The following SCRN3 variants were observed in gnomAD, a reference collection of about 807,000 sequenced individuals.
The protein encoded by SCRN3 is secernin-3.
In SCRN3, 39 loss-of-function variants were observed where a neutral mutation model predicts 43.1. That is an observed-to-expected ratio of 0.91 (90% CI 0.70 to 1.18). The LOEUF (loss-of-function observed/expected upper bound fraction) is 1.18, where lower values mean the gene tolerates loss of function less well. SCRN3 is among the 50% of genes most tolerant of loss of function. The pLI is 0.00. For synonymous variants in SCRN3, 147 were observed against 163.1 expected (o/e 0.90, Z 0.75); for missense variants, 484 against 498.0 (o/e 0.97, Z 0.27).
chr2:174,426,038 A>G (rs546236640), intron 7 of SCRN3, among the ~76,000 whole-genome samples: 2 of 152,256 alleles, frequency 1.3e-5, no homozygotes, highest in African/African-American at 4.8e-5. Context: ...ATATGTGAAT[A>G]TTAACTGTTT....
chr2:174,417,556 G>GCT (rs777618009), intron 5 of SCRN3, among the ~76,000 whole-genome samples: 13 of 152,050 alleles, frequency 8.5e-5, no homozygotes, highest in Admixed American at 2.0e-4. Context: ...ACCAAGCCCA[G>GCT]CTAATTTTTT....
rs1432210793 is a variant in SCRN3, at chr2:174,428,235, A to G, written c.*340A>G. The G allele has an allele frequency of 1.3e-5, 2 of 156,556 alleles. No homozygotes were observed. Among genetic ancestry groups the G allele is most frequent in the African/African-American group, 4.8e-5 (2 of 41,674 alleles). 9.7% of individuals were successfully genotyped at this position (156,556 alleles called of 1,614,324 possible). On this transcript the variant is annotated 3_prime_UTR_variant, in exon 8 of 8. Transcript: ENST00000272732. ...ACATTAAAATGACGCATGGATTTATATTTATTATAATTATGTAGTACCCTC... is the reference window on the plus strand; with the variant it reads ...ACATTAAAATGACGCATGGATTTATGTTTATTATAATTATGTAGTACCCTC...
At chr2:174,423,815 T>G (rs1686386150) in intron 6 of SCRN3, among the ~76,000 whole-genome samples, 1 of 139,782 alleles carries the variant, frequency 7.2e-6, no homozygotes. Flanking sequence ...ACACAGGGCC[T>G]TGCTCTGTCA....
Position 174,404,088 on chromosome 2 carries a change from CT to C in SCRN3, c.542-13del, listed in dbSNP as rs1559072878. ...GACTTTTCTTCTCCTTTCTCCTCTT[CT>C]TCTTTGAAAATAGAGGGAGTTCGTA... is the stretch of plus-strand genomic sequence containing the variant. On this transcript the variant is annotated splice_polypyrimidine_tract_variant and intron_variant, in intron 4 of 7. Transcript: ENST00000272732. The C allele has an allele frequency of 6.3e-7, 1 of 1,595,816 alleles. No homozygotes were observed.
At chr2:174,411,920 CA>C (rs150899860) in intron 5 of SCRN3, among the ~76,000 whole-genome samples, 1 of 150,540 alleles carries the variant, frequency 6.6e-6, no homozygotes, top group African/African-American at 2.4e-5. Context: ...GGCTCTGTCT[CA>C]AAAAAAATTT....
intron 1 of SCRN3, among the ~76,000 whole-genome samples, chr2:174,396,796 C>CAAA (rs57053389): frequency 8.7e-5 from 12 of 137,416 alleles, no homozygotes; most frequent in South Asian, 2.3e-4. Flanking sequence ...TAAACTCCAT[C>CAAA]AAAAAAAAAA....
Position 174,399,898 on chromosome 2 carries a change from ACTTT to A in SCRN3, c.160-23_160-20del, listed in dbSNP as rs757695904. The A allele has an allele frequency of 1.2e-5, 11 of 909,054 alleles. No individual in the cohort carries two copies. The East Asian group carries it at 3.4e-4, about 28-fold the overall frequency. The allele number at this position is 909,054 out of a possible 1,614,324, so 56.3% of individuals were successfully genotyped here. On this transcript the variant is annotated intron_variant, in intron 2 of 7. Transcript: ENST00000272732. ...TTCTGGTTTTGTGGTTCTTGCTATG[ACTTT>A]TTTTTTTTTTTTTTTACAGTGTACA... is the stretch of plus-strand genomic sequence containing the variant.
rs1035697410 is a variant in SCRN3 at position 174,420,397 on chromosome 2, G to A, written c.755-2488G>A. ...GCCAAAAGAATATTAAATGCTCTGC[G>A]AAAGAAAATATCATGCAGAGCCTCT... On this transcript the variant is annotated intron_variant, in intron 5 of 7. Transcript: ENST00000272732. Among the ~76,000 whole-genome samples the A allele has an allele frequency of 3.3e-5, 5 of 152,216 alleles. No individual in the cohort carries two copies. In the East Asian group the frequency reaches 7.7e-4, roughly 23 times the overall value.
intron 4 of SCRN3, among the ~76,000 whole-genome samples, chr2:174,403,733 G>T (rs1340133935): frequency 6.6e-6 from 1 of 152,100 alleles, no homozygotes; most frequent in Non-Finnish European, 1.5e-5. Context: ...CTATAAAAGG[G>T]CAACATGAGG....
chr2:174,410,679 G>A (rs1685886527), intron 5 of SCRN3, among the ~76,000 whole-genome samples: 1 of 152,108 alleles, frequency 6.6e-6, no homozygotes, highest in South Asian at 2.1e-4. Context: ...TATTGCTGCT[G>A]CTGCTGTTAT....
At chr2:174,397,450 A>G (rs371409057) in intron 1 of SCRN3, 2 of 791,766 alleles carry the variant, frequency 2.5e-6, no homozygotes, top group East Asian at 1.3e-4. Flanking sequence ...TAAATTAAAT[A>G]TGTGAACTTT....
intron 7 of SCRN3, among the ~76,000 whole-genome samples, chr2:174,427,253 A>G (rs1160118483): frequency 1.3e-5 from 2 of 152,136 alleles, no homozygotes; most frequent in Non-Finnish European, 2.9e-5. Flanking sequence ...CCTTTATTGA[A>G]TAAGGATGAA....
At position 174,427,721 on chromosome 2, in the gene SCRN3, C is replaced by T; in HGVS notation, c.1101C>T (p.Ala367=). The T allele has an allele frequency of 6.3e-7, 1 of 1,590,386 alleles. No individual in the cohort carries two copies. Among genetic ancestry groups the T allele is most frequent in the Non-Finnish European group, 8.6e-7 (1 of 1,167,962 alleles). The change falls in exon 8 of 8, where the codon GCC becomes GCT. Residue 367 remains alanine (A), a synonymous_variant. Transcript: ENST00000272732. ...TATTTTTAATTGTTTAGGAAAAAGC[C>T]AAAATAATGTTGGACAACATGAGGA... ...LEVVNNNEEK[A]KIMLDNMRKL... is the part of the protein sequence containing the mutation.
At chr2:174,396,976 G>T in intron 1 of SCRN3, 4 of 601,904 alleles carry the variant, frequency 6.6e-6, no homozygotes, top group Non-Finnish European at 8.3e-6. Context: ...TTTTTCTGAT[G>T]AGGCAGAAGG....
chr2:174,407,600 G>T (rs1365913444), intron 5 of SCRN3, among the ~76,000 whole-genome samples: 1 of 91,448 alleles, frequency 1.1e-5, no homozygotes, highest in Non-Finnish European at 2.1e-5. Flanking sequence ...GGCATTTAGT[G>T]CTATAAATTT....
chr2:174,417,884 T>C (rs995405642), intron 5 of SCRN3, among the ~76,000 whole-genome samples: 1 of 152,216 alleles, frequency 6.6e-6, no homozygotes, highest in African/African-American at 2.4e-5. Context: ...TAACAAAGTA[T>C]TGTTAGTTGA....
rs138197020 is a variant in SCRN3, at chr2:174,403,403, G to C, written c.542-700G>C. Among the ~76,000 whole-genome samples, 10 of 151,752 alleles carry C rather than the reference G, an allele frequency of 6.6e-5. No individual in the cohort carries two copies. In the East Asian group the frequency reaches 1.2e-3, roughly 18 times the overall value. ...TAAAAACTTACATACATTTACACAA[G>C]AACCTGTACGCAAGTATAGCAGCTT... On this transcript the variant is annotated intron_variant, in intron 4 of 7. Transcript: ENST00000272732.
At chr2:174,409,770 C>CG (rs1685834811) in intron 5 of SCRN3, among the ~76,000 whole-genome samples, 1 of 126,016 alleles carries the variant, frequency 7.9e-6, no homozygotes, top group African/African-American at 2.6e-5. Flanking sequence ...TTAGGCTGCT[C>CG]GGGGGTCAGG....
intron 2 of SCRN3, 115 bp from the exon 3 acceptor site, chr2:174,399,807 C>T: frequency 4.6e-6 from 3 of 650,830 alleles, no homozygotes; most frequent in Non-Finnish European, 6.7e-6. Context: ...CTTATATTTC[C>T]TTTACCTCTT....
Sources: gnomAD v4.1 joint callset for allele counts (sites outside exome capture counted in the v4.1 genomes callset) on GRCh38, gnomAD v4.1.1 for gene constraint, MANE v1.5 for transcripts, NCBI Gene and HGNC (gene_info 2026-07-23, HGNC 2026-07-21) for gene names.